The following MICALL1 variants were observed in gnomAD, a reference collection of about 807,000 sequenced individuals.
The protein encoded by MICALL1 is MICAL-like protein 1.
MICALL1 carries 61 observed loss-of-function variants against 83.7 expected under a neutral mutation model. That is an observed-to-expected ratio of 0.73 (90% CI 0.59 to 0.90). The LOEUF is 0.90. MICALL1 is among the 40% of genes least tolerant of loss of function. MICALL1 has a pLI of 0.00. For synonymous variants in MICALL1, 481 were observed against 473.6 expected, an observed-to-expected ratio of 1.02 and a Z score of -0.20; for missense variants, 1,066 against 1,152.0, an observed-to-expected ratio of 0.93 and a Z score of 1.08.
At chr22:37,917,564 G>T in intron 3 of MICALL1, 143 bp from the exon 4 acceptor site, 1 of 690,464 alleles carries the variant, frequency 1.4e-6, no homozygotes, top group Non-Finnish European at 2.5e-6. Context: ...CCCGTGTGAA[G>T]CGGGAGCCAG....
Position 37,922,356 on chromosome 22 carries a change from G to T in MICALL1, c.954G>T (p.Thr318=). 2 of 1,468,448 alleles carry T rather than the reference G, an allele frequency of 1.4e-6. No homozygotes were observed. The allele number at this position is 1,468,448 out of a possible 1,614,324, so 91.0% of individuals were successfully genotyped here. Residue 318 remains threonine (T), a synonymous_variant, in exon 6 of 16, where the codon ACG becomes ACT. Transcript: ENST00000215957. ...ASESTTPAPP[T]PRPRSSLQQE... ...AGAGCACCACCCCAGCACCCCCCAC[G>T]CCCCGGCCCCGCTCCAGTCTGCAGC...
chr22:37,906,498 G>A lies in MICALL1; in HGVS notation c.76G>A (p.Asp26Asn). 2.4e-6 allele frequency: 3 copies of A among 1,257,694 alleles called. No individual in the cohort carries two copies. Among genetic ancestry groups the A allele is most frequent in the South Asian group, 2.5e-5 (1 of 40,580 alleles). The allele number at this position is 1,257,694 out of a possible 1,614,324, so 77.9% of individuals were successfully genotyped here. A position where few individuals can be genotyped will look rare whatever the true frequency, so the allele number is the denominator to read the frequency against. ...CEGYRGVEIR[D>N]LSSSFRDGLA... is the part of the protein sequence containing the mutation. ...GGGCTACCGCGGCGTGGAGATCCGC[G>A]ACCTGAGCAGCTCCTTCCGGGACGG... Residue 26 changes from aspartate (D) to asparagine (N), a missense_variant, in exon 1 of 16, where the codon GAC becomes AAC. Physicochemically the swap from Asp to Asn is conservative, Grantham distance 23. Transcript: ENST00000215957. The surrounding 1 kb of genome is among the most constrained non-coding windows in gnomAD (Gnocchi z 4.4).
intron 8 of MICALL1, chr22:37,926,694 C>T (rs971779713): frequency 1.6e-4 from 24 of 152,754 alleles, no homozygotes; most frequent in Admixed American, 1.2e-3. Flanking sequence ...TGGGTCTGGC[C>T]GCCTCTGAGA....
rs546642515 is a variant in MICALL1 at position 37,930,576 on chromosome 22, G to A, written c.1882-1223G>A. On this transcript the variant is annotated intron_variant, in intron 9 of 15. Coordinates refer to ENST00000215957, the MANE Select transcript of MICALL1 (RefSeq NM_033386.4). This position sits in a 1 kb window ranked among gnomAD's most constrained non-coding sequence, Gnocchi z 4.8. ...CAGGTGAGGCCTCTGTAAGGGGCTC[G>A]CAGTGACGTCTGTTTCCAATGAGCT... 2.0e-5 allele frequency among the ~76,000 whole-genome samples: 3 copies of A among 152,340 alleles called. No homozygotes were observed. Among genetic ancestry groups the A allele is most frequent in the African/African-American group, 7.2e-5 (3 of 41,580 alleles).
In MICALL1 at chr22:37,917,273, A is replaced by G. The variant is rs1478428982; in HGVS notation, c.338-434A>G. 2.0e-5 allele frequency among the ~76,000 whole-genome samples: 3 copies of G among 152,158 alleles called. No homozygotes were observed. In the East Asian group the frequency reaches 5.8e-4, roughly 29 times the overall value. On this transcript the variant is annotated intron_variant, in intron 3 of 15. Coordinates refer to ENST00000215957, the MANE Select transcript of MICALL1 (RefSeq NM_033386.4). ...CCCCAATACCCACTTGGGGATAGGC[A>G]GGACAGCTCCTTGTCAACCCCAAGG... is the stretch of plus-strand genomic sequence containing the variant.
chr22:37,940,976 CCTCAGGGACCT>C lies in MICALL1; in HGVS notation c.*149_*159del. The C allele has an allele frequency of 1.0e-6, 1 of 967,522 alleles. No homozygotes were observed. The highest frequency in any genetic ancestry group is 1.5e-6 in the Non-Finnish European group (1 of 665,382). The allele number at this position is 967,522 out of a possible 1,614,324, so 59.9% of individuals were successfully genotyped here. The stretch of plus-strand genomic sequence containing the variant: ...ATCCTCTGGGTGATGGCCTCTTCCT[CCTCAGGGACCT>C]CTGACTGCTCTGGGCCAAAGAATCT... On this transcript the variant is annotated 3_prime_UTR_variant, in exon 16 of 16. Coordinates refer to ENST00000215957, the MANE Select transcript of MICALL1 (RefSeq NM_033386.4).
rs776768872 is a variant in MICALL1 at position 37,925,649 on chromosome 22, C to G, written c.1083-12C>G. On this transcript the variant is annotated splice_polypyrimidine_tract_variant and intron_variant, in intron 7 of 15. Transcript: ENST00000215957. ...TCTGCTAATGGTTTCTGCTGCTTCCCCCCTCCTCCAGGACACCAGCCCCCA... is the reference window on the plus strand; with the variant it reads ...TCTGCTAATGGTTTCTGCTGCTTCCGCCCTCCTCCAGGACACCAGCCCCCA... The G allele has an allele frequency of 1.1e-5, 17 of 1,585,246 alleles. No individual in the cohort carries two copies. The South Asian group carries it at 1.7e-4, about 16-fold the overall frequency.
At chr22:37,934,898 ATTTATTTATTTATTTTAT>A (rs1246669147) in intron 13 of MICALL1, among the ~76,000 whole-genome samples, 99 of 140,060 alleles carry the variant, frequency 7.1e-4, no homozygotes, top group Non-Finnish European at 1.3e-3. Context: ...GCCTGGCTCT[ATTTATTTATTTATTTTAT>A]TTTATTTATT....
rs1930406564 is a variant in MICALL1, at chr22:37,940,984, A to G, written c.*154A>G. ...GGTGATGGCCTCTTCCTCCTCAGGG[A>G]CCTCTGACTGCTCTGGGCCAAAGAA... On this transcript the variant is annotated 3_prime_UTR_variant, in exon 16 of 16. Coordinates refer to ENST00000215957, the MANE Select transcript of MICALL1 (RefSeq NM_033386.4). 7.8e-6 allele frequency: 7 copies of G among 896,208 alleles called. No individual in the cohort carries two copies. In the Middle Eastern group the frequency reaches 1.1e-3, roughly 141 times the overall value. The allele number at this position is 896,208 out of a possible 1,614,324, so 55.5% of individuals were successfully genotyped here.
chr22:37,917,030 T>C (rs1928721205), intron 3 of MICALL1, among the ~76,000 whole-genome samples: 1 of 152,102 alleles, frequency 6.6e-6, no homozygotes, highest in African/African-American at 2.4e-5. Context: ...CACCACCATG[T>C]CCAGCTGATT....
At chr22:37,915,609 A>T (rs1230137508) in intron 3 of MICALL1, among the ~76,000 whole-genome samples, 1 of 151,406 alleles carries the variant, frequency 6.6e-6, no homozygotes, top group Non-Finnish European at 1.5e-5. Context: ...GAGGAAATGT[A>T]TAAACCAGTG....
intron 3 of MICALL1, among the ~76,000 whole-genome samples, chr22:37,914,222 C>A (rs1270421853): frequency 7.7e-6 from 1 of 129,178 alleles, no homozygotes; most frequent in Non-Finnish European, 1.7e-5. Flanking sequence ...GGTTTCTTTT[C>A]TTTTCTTTCT....
intron 9 of MICALL1, among the ~76,000 whole-genome samples, chr22:37,931,189 C>T (rs1487995107): frequency 1.3e-5 from 2 of 152,196 alleles, no homozygotes; most frequent in African/African-American, 4.8e-5. Flanking sequence ...CCTCTCTGAA[C>T]TTGAGTTTAC....
At chr22:37,920,618 A>C (rs1928967082) in intron 5 of MICALL1, among the ~76,000 whole-genome samples, 1 of 149,290 alleles carries the variant, frequency 6.7e-6, no homozygotes, top group African/African-American at 2.6e-5. Flanking sequence ...CTCTACAAAA[A>C]AATTAAAAAA....
Position 37,906,596 on chromosome 22 carries a change from C to A in MICALL1, c.146+28C>A. On this transcript the variant is annotated intron_variant, in intron 1 of 15. Transcript: ENST00000215957. The surrounding 1 kb of genome is among the most constrained non-coding windows in gnomAD (Gnocchi z 4.4). ...GAGTGCGGGGCCCCGGGCGAGCGGG[C>A]GGCGCGGGGCGGGCTGGGGCCGCGA... The A allele has an allele frequency of 2.7e-6, 3 of 1,126,204 alleles. No individual in the cohort carries two copies. Among genetic ancestry groups the A allele is most frequent in the Non-Finnish European group, 2.2e-6 (2 of 917,316 alleles). The allele number at this position is 1,126,204 out of a possible 1,614,324, so 69.8% of individuals were successfully genotyped here.
At chr22:37,939,846 T>C (rs1930338766) in intron 15 of MICALL1, among the ~76,000 whole-genome samples, 1 of 151,530 alleles carries the variant, frequency 6.6e-6, no homozygotes, top group Non-Finnish European at 1.5e-5. Context: ...CCCAGCACTT[T>C]AGGAGGCTGA....
chr22:37,932,746 C>T lies in MICALL1; in HGVS notation c.2144-52C>T, dbSNP rs1005810151. 2.7e-5 allele frequency: 44 copies of T among 1,613,048 alleles called. No individual in the cohort carries two copies. The highest frequency in any genetic ancestry group is 3.6e-5 in the Non-Finnish European group (43 of 1,179,600). On this transcript the variant is annotated intron_variant, in intron 11 of 15. Transcript: ENST00000215957. The surrounding 1 kb of genome is among the most constrained non-coding windows in gnomAD (Gnocchi z 4.4). ...GCAGGAGCCTCTATTCCCCGGGGAA[C>T]TGAGCCAGGCATGGCAGCCAGCCCT...
chr22:37,922,423 A>T lies in MICALL1; in HGVS notation c.1021A>T (p.Asn341Tyr), dbSNP rs1284977238. 1 of 1,521,232 alleles carries T rather than the reference A, an allele frequency of 6.6e-7. No homozygotes were observed. The highest frequency in any genetic ancestry group is 1.2e-5 in the South Asian group (1 of 80,880). 94.2% of individuals were successfully genotyped at this position (1,521,232 alleles called of 1,614,324 possible). The change falls in exon 6 of 16, where the codon AAC (asparagine) becomes TAC (tyrosine). Residue 341 changes from asparagine (N) to tyrosine (Y), a missense_variant. By Grantham distance (143) the Asn-to-Tyr change is moderately radical (BLOSUM62 -2). Coordinates refer to ENST00000215957, the MANE Select transcript of MICALL1 (RefSeq NM_033386.4). Reference sequence around the variant, plus strand: ...GCAGGCTGGCAGCAGCAGCCTGGTGAACGGTGAGCAGGGTGCAGTCAGGGC... The same window carrying T: ...GCAGGCTGGCAGCAGCAGCCTGGTGTACGGTGAGCAGGGTGCAGTCAGGGC... ...VEQAGSSSLV[N>Y]GRLHELPVPK... is the part of the protein sequence containing the mutation.
chr22:37,942,675 G>C lies in MICALL1; in HGVS notation c.*1845G>C, dbSNP rs1438901524. The C allele has an allele frequency of 2.0e-5, 3 of 152,098 alleles. No individual in the cohort carries two copies. The highest frequency in any genetic ancestry group is 7.2e-5 in the African/African-American group (3 of 41,424). 9.4% of individuals were successfully genotyped at this position (152,098 alleles called of 1,614,324 possible). ...TGCTACGACGCCTGGCTAATTTTTT[G>C]TATTTTTAGTAGAGACGGGGTTTCA... On this transcript the variant is annotated 3_prime_UTR_variant, in exon 16 of 16. Transcript: ENST00000215957.
Sources: allele counts gnomAD v4.1 joint callset (sites outside exome capture counted in the v4.1 genomes callset), GRCh38; gene constraint gnomAD v4.1.1; non-coding constraint Gnocchi (gnomAD v3.1); transcripts MANE v1.5; gene names NCBI Gene and HGNC (gene_info 2026-07-23, HGNC 2026-07-21).